KCNT2: variants seen among roughly 807,000 people sequenced by gnomAD.
KCNT2 encodes potassium channel subfamily T member 2.
Under a neutral mutation model 153.8 loss-of-function variants are expected in KCNT2, and 67 were observed. The observed-to-expected ratio is 0.44, with a 90% CI of 0.36 to 0.53. KCNT2 has a LOEUF of 0.53. Ranked by LOEUF, KCNT2 falls within the 20% of genes least tolerant of loss-of-function variation. KCNT2 has a pLI of 0.00. For synonymous variants in KCNT2, 500 were observed against 458.8 expected, an observed-to-expected ratio of 1.09 and a Z score of -1.15; for missense variants, 975 against 1,354.8, an observed-to-expected ratio of 0.72 and a Z score of 4.40.
chr1:196,552,566 AG>A (rs1558069854), intron 1 of KCNT2, among the ~76,000 whole-genome samples: 1 of 151,338 alleles, frequency 6.6e-6, no homozygotes, highest in Non-Finnish European at 1.5e-5. Flanking sequence ...AAGCAAGAAA[AG>A]ATCATCTGAA....
At chr1:196,459,861 C>G (rs1469920538) in intron 8 of KCNT2, among the ~76,000 whole-genome samples, 4 of 151,776 alleles carry the variant, frequency 2.6e-5, no homozygotes, top group African/African-American at 9.7e-5. Context: ...AATCCTTTAT[C>G]TTGCCCTCTA....
chr1:196,382,985 T>C (rs1669639344), intron 13 of KCNT2, among the ~76,000 whole-genome samples: 1 of 152,102 alleles, frequency 6.6e-6, no homozygotes, highest in African/African-American at 2.4e-5. Flanking sequence ...GTGTATTTAC[T>C]TTTGATCAAA....
intron 25 of KCNT2, among the ~76,000 whole-genome samples, chr1:196,272,600 A>G (rs1354629789): frequency 6.6e-6 from 1 of 151,846 alleles, no homozygotes; most frequent in Non-Finnish European, 1.5e-5. Flanking sequence ...AGAGCTACAA[A>G]CCCAGCTTTG....
chr1:196,353,007 C>T lies in KCNT2; in HGVS notation c.1404-10779G>A, dbSNP rs558138576. The stretch of plus-strand genomic sequence containing the variant: ...GTTGTTCAGTTTCCATGTAGTTGAG[C>T]GGTTTTGAGTGAGTCTCTTAATCCT... On this transcript the variant is annotated intron_variant, in intron 14 of 27. Coordinates refer to ENST00000294725, the MANE Select transcript of KCNT2 (RefSeq NM_198503.5). 4.6e-5 allele frequency among the ~76,000 whole-genome samples: 7 copies of T among 152,018 alleles called. No individual in the cohort carries two copies. In the South Asian group the frequency reaches 8.3e-4, roughly 18 times the overall value.
At chr1:196,562,132 T>C (rs1000622937) in intron 1 of KCNT2, among the ~76,000 whole-genome samples, 4 of 152,044 alleles carry the variant, frequency 2.6e-5, no homozygotes, top group African/African-American at 9.7e-5. Context: ...GGGAATGGAA[T>C]TCTCAACAAA....
At chr1:196,400,474 T>C (rs1671317651) in intron 12 of KCNT2, among the ~76,000 whole-genome samples, 1 of 151,796 alleles carries the variant, frequency 6.6e-6, no homozygotes. Context: ...ATATTCTGTA[T>C]CTTACAGGAT....
At chr1:196,292,165 A>C (rs1248548529) in intron 22 of KCNT2, among the ~76,000 whole-genome samples, 1 of 152,244 alleles carries the variant, frequency 6.6e-6, no homozygotes, top group Non-Finnish European at 1.5e-5. Flanking sequence ...AAAATAATTA[A>C]CAAAACTTTC....
At chr1:196,566,061 GA>G (rs1233617036) in intron 1 of KCNT2, among the ~76,000 whole-genome samples, 1 of 151,698 alleles carries the variant, frequency 6.6e-6, no homozygotes, top group Non-Finnish European at 1.5e-5. Flanking sequence ...TATTGTAAAC[GA>G]TAAATATATA....
intron 1 of KCNT2, among the ~76,000 whole-genome samples, chr1:196,531,916 G>A (rs1176393854): frequency 2.6e-5 from 4 of 151,836 alleles, no homozygotes; most frequent in African/African-American, 7.3e-5. Flanking sequence ...TGAGTATCTC[G>A]GTATTCTAAA....
intron 25 of KCNT2, among the ~76,000 whole-genome samples, chr1:196,271,767 A>T (rs1014725730): frequency 1.7e-4 from 26 of 152,012 alleles, no homozygotes; most frequent in African/African-American, 6.3e-4. Context: ...GTGAATTAGG[A>T]TGCATCGAAG....
intron 8 of KCNT2, among the ~76,000 whole-genome samples, chr1:196,439,445 G>A (rs1376535536): frequency 6.6e-6 from 1 of 151,906 alleles, no homozygotes; most frequent in Non-Finnish European, 1.5e-5. Flanking sequence ...TATATGAATA[G>A]AAGATTGAAT....
chr1:196,459,277 C>A (rs1676947035), intron 8 of KCNT2, among the ~76,000 whole-genome samples: 1 of 151,510 alleles, frequency 6.6e-6, no homozygotes, highest in East Asian at 2.0e-4. Context: ...TAAAAGGTGA[C>A]CATGCCCTAT....
At chr1:196,582,423 A>C (rs1662177871) in intron 1 of KCNT2, 1 of 154,324 alleles carries the variant, frequency 6.5e-6, no homozygotes, top group African/African-American at 2.4e-5. Context: ...TGCAATGTCT[A>C]ATTTGAGCAC....
At chr1:196,431,272 G>C (rs1416316465) in intron 8 of KCNT2, among the ~76,000 whole-genome samples, 1 of 152,096 alleles carries the variant, frequency 6.6e-6, no homozygotes, top group Non-Finnish European at 1.5e-5. Context: ...TGAGAAATAG[G>C]GTGTTGCTAT....
chr1:196,427,089 A>AT (rs1413598214), intron 10 of KCNT2, among the ~76,000 whole-genome samples: 1 of 152,078 alleles, frequency 6.6e-6, no homozygotes, highest in Non-Finnish European at 1.5e-5. Context: ...ATTTTCCCAC[A>AT]AATGGATTTC....
At chr1:196,582,065 C>G (rs1662123655) in intron 1 of KCNT2, among the ~76,000 whole-genome samples, 1 of 152,002 alleles carries the variant, frequency 6.6e-6, no homozygotes, top group Non-Finnish European at 1.5e-5. Context: ...TACTTATCAA[C>G]TTCTCTCCAT....
chr1:196,532,786 C>T (rs1655110639), intron 1 of KCNT2, among the ~76,000 whole-genome samples: 1 of 151,930 alleles, frequency 6.6e-6, no homozygotes. Flanking sequence ...TATTAATATA[C>T]TTTGATTAAT....
At chr1:196,311,865 T>A (rs1344320351) in intron 21 of KCNT2, among the ~76,000 whole-genome samples, 2 of 151,784 alleles carry the variant, frequency 1.3e-5, no homozygotes, top group Non-Finnish European at 1.5e-5. Flanking sequence ...CCAAGTGGGA[T>A]ATTTTGGTAG....
Position 196,228,330 on chromosome 1 carries a change from A to C in KCNT2, c.3302T>G (p.Leu1101Ter). Residue 1101 changes from leucine to a stop codon, truncating the protein, a stop_gained, in exon 28 of 28, where the codon TTA becomes TGA. Coordinates refer to ENST00000294725, the MANE Select transcript of KCNT2 (RefSeq NM_198503.5). LOFTEE classifies it high-confidence loss of function. Reference sequence around the variant, plus strand: ...GTAGGCCAGTGGATCTGGTCGAATTAAGTATCTAATAAAAGAAAACAAAAT... The same window carrying C: ...GTAGGCCAGTGGATCTGGTCGAATTCAGTATCTAATAAAAGAAAACAAAAT... Reference protein sequence around the residue: ...TRIELNDVVYLIRPDPLAYLP... With the variant: ...TRIELNDVVY 6.3e-7 allele frequency: 1 copy of C among 1,578,106 alleles called. No homozygotes were observed. Among genetic ancestry groups the C allele is most frequent in the Non-Finnish European group, 8.7e-7 (1 of 1,150,242 alleles).
Sources: gnomAD v4.1 joint callset for allele counts (sites outside exome capture counted in the v4.1 genomes callset) on GRCh38, gnomAD v4.1.1 for gene constraint, MANE v1.5 for transcripts, NCBI Gene and HGNC (gene_info 2026-07-23, HGNC 2026-07-21) for gene names.